The following BRWD1 variants were observed in gnomAD, a reference collection of about 807,000 sequenced individuals.
BRWD1 encodes the protein bromodomain and WD repeat-containing protein 1.
A neutral mutation model predicts 251.2 loss-of-function variants in BRWD1; 82 were observed. That is an observed-to-expected ratio of 0.33 (90% confidence interval 0.27 to 0.39). The LOEUF (loss-of-function observed/expected upper bound fraction) is 0.39, where lower values mean the gene tolerates loss of function less well. Among genes scored for constraint, BRWD1 ranks in the 10% least tolerant of loss-of-function variants. BRWD1 has a pLI of 1.00. For synonymous variants in BRWD1, 918 were observed against 902.8 expected (o/e 1.02, Z -0.30); for missense variants, 2,233 against 2,711.6 (o/e 0.82, Z 3.92).
chr21:39,269,845 A>G (rs1601425533), intron 15 of BRWD1, 54 bp downstream of exon 15: 1 of 1,376,646 alleles, frequency 7.3e-7, no homozygotes, highest in Non-Finnish European at 9.5e-7. Flanking sequence ...GCATAACCCA[A>G]ATACTCTAAA....
Position 39,195,218 on chromosome 21 carries a change from T to C in BRWD1, c.*1041A>G. ...GAAGCAGTAAACTAAAACAAAGAGA[T>C]GGAGAATGACATTTAGCTATTTTCC... On this transcript the variant is annotated 3_prime_UTR_variant, in exon 41 of 41. Coordinates refer to ENST00000342449, the MANE Select transcript of BRWD1 (RefSeq NM_033656.4). 3 of 1,039,744 alleles carry C rather than the reference T, an allele frequency of 2.9e-6. No individual in the cohort carries two copies. Among genetic ancestry groups the C allele is most frequent in the Non-Finnish European group, 3.5e-6 (3 of 864,232 alleles). 64.4% of individuals were successfully genotyped at this position (1,039,744 alleles called of 1,614,324 possible).
At position 39,218,179 on chromosome 21, in the gene BRWD1, C is replaced by T. The variant is rs1201433907; in HGVS notation, c.3632G>A (p.Arg1211Gln). Residue 1211 changes from arginine to glutamine, a missense_variant, in exon 31 of 41, where the codon CGA becomes CAA. Arg to Gln is a conservative substitution (Grantham distance 43). Coordinates refer to ENST00000342449, the MANE Select transcript of BRWD1 (RefSeq NM_033656.4). Reference sequence around the variant, plus strand: ...GTAAAATCGATTAACAAGTCTCATTCGAATTGTGTAAAGATCGGTTGGATA... The same window carrying T: ...GTAAAATCGATTAACAAGTCTCATTTGAATTGTGTAAAGATCGGTTGGATA... ...VAYPTDLYTI[R>Q]MRLVNRFYRR... 2 of 1,608,996 alleles carry T rather than the reference C, an allele frequency of 1.2e-6. No individual in the cohort carries two copies. The highest frequency in any genetic ancestry group is 1.1e-5 in the South Asian group (1 of 90,026).
At chr21:39,241,624 C>G (rs1378292092) in intron 21 of BRWD1, among the ~76,000 whole-genome samples, 3 of 148,660 alleles carry the variant, frequency 2.0e-5, no homozygotes, top group Non-Finnish European at 4.4e-5. Context: ...ATAACAATGA[C>G]AGATATACAG....
At chr21:39,281,249 A>G (rs531550322) in intron 8 of BRWD1, among the ~76,000 whole-genome samples, 3 of 152,214 alleles carry the variant, frequency 2.0e-5, no homozygotes, top group Non-Finnish European at 4.4e-5. Flanking sequence ...TTACAGCAAT[A>G]TACAGTATTG....
chr21:39,289,270 G>C (rs1204415225), intron 8 of BRWD1, among the ~76,000 whole-genome samples: 1 of 152,090 alleles, frequency 6.6e-6, no homozygotes, highest in East Asian at 1.9e-4. Flanking sequence ...ATTTCAAAAT[G>C]CATCTTCATC....
At chr21:39,266,781 A>G (rs1361865831) in intron 15 of BRWD1, among the ~76,000 whole-genome samples, 1 of 152,212 alleles carries the variant, frequency 6.6e-6, no homozygotes, top group East Asian at 1.9e-4. Context: ...TGACAACCCT[A>G]TTTAGTCTAT....
chr21:39,196,913 T>A lies in BRWD1; in HGVS notation c.6156A>T (p.Ser2052=). The A allele has an allele frequency of 6.2e-7, 1 of 1,613,934 alleles. No individual in the cohort carries two copies. Among genetic ancestry groups the A allele is most frequent in the Non-Finnish European group, 8.5e-7 (1 of 1,179,940 alleles). ...SKRKSSSVTS[S]GEDSKSHIPG... ...GAATATGACTTTTTGAATCTTCTCC[T>A]GAAGATGTAACAGAGGAACTTTTTC... is the stretch of plus-strand genomic sequence containing the variant. Residue 2052 remains serine, a synonymous_variant, in exon 41 of 41, where the codon TCA becomes TCT. Transcript: ENST00000342449.
At chr21:39,278,156 T>C (rs1401012791) in intron 10 of BRWD1, among the ~76,000 whole-genome samples, 1 of 152,096 alleles carries the variant, frequency 6.6e-6, no homozygotes, top group Admixed American at 6.5e-5. Flanking sequence ...GGCCTCCCCA[T>C]CTGTATTATT....
At chr21:39,270,583 G>A in intron 13 of BRWD1, 150 bp from the exon 14 acceptor site, 1 of 619,584 alleles carries the variant, frequency 1.6e-6, no homozygotes, top group South Asian at 2.8e-5. Context: ...ACCCAGAACA[G>A]ACTGTCTAGA....
At chr21:39,212,192 C>T (rs1256372531) in intron 34 of BRWD1, among the ~76,000 whole-genome samples, 3 of 152,130 alleles carry the variant, frequency 2.0e-5, no homozygotes, top group Non-Finnish European at 4.4e-5. Context: ...ACTCCTAATT[C>T]ATCTCCTTTA....
At chr21:39,203,325 A>G (rs1374248399) in intron 37 of BRWD1, among the ~76,000 whole-genome samples, 1 of 151,926 alleles carries the variant, frequency 6.6e-6, no homozygotes, top group Non-Finnish European at 1.5e-5. Flanking sequence ...AGTTGTGCAC[A>G]TCTATGATCG....
chr21:39,318,984 G>A (rs552121037), intron 1 of BRWD1, among the ~76,000 whole-genome samples: 3 of 152,068 alleles, frequency 2.0e-5, no homozygotes, highest in Non-Finnish European at 4.4e-5. Context: ...GCATTGCCTG[G>A]CCTTAAGTGA....
intron 3 of BRWD1, 81 bp from the exon 4 acceptor site, chr21:39,312,981 C>CGGGCGGCGGGCGGCGGGCGGG (rs2036557317): frequency 3.5e-6 from 2 of 569,780 alleles, no homozygotes; most frequent in African/African-American, 7.8e-5. Context: ...GGGCGGGCGG[C>CGGGCGGCGGGCGGCGGGCGGG]GGGCGGCGGG....
rs1165772598 is a variant in BRWD1, at chr21:39,238,458, C to G, written c.2576+21G>C. 3 of 1,584,476 alleles carry G rather than the reference C, an allele frequency of 1.9e-6. No homozygotes were observed. The Admixed American group carries it at 5.0e-5, about 27-fold the overall frequency. On this transcript the variant is annotated intron_variant, in intron 22 of 40. Transcript: ENST00000342449. ...ACTATGACTAAAATGCTTAAAAGAC[C>G]ACAACAATAAAAACAGATACCTTGA... is the stretch of plus-strand genomic sequence containing the variant.
chr21:39,243,939 C>T (rs755785432), intron 21 of BRWD1, among the ~76,000 whole-genome samples: 2 of 152,026 alleles, frequency 1.3e-5, no homozygotes, highest in Non-Finnish European at 1.5e-5. Flanking sequence ...TCTGAAATTA[C>T]ATCAAAATAA....
At chr21:39,213,389 A>G in intron 33 of BRWD1, 92 bp downstream of exon 33, 2 of 1,000,092 alleles carry the variant, frequency 2.0e-6, no homozygotes, top group Non-Finnish European at 3.1e-6. Flanking sequence ...GGACTACTAC[A>G]AGAGTTGGTA....
intron 17 of BRWD1, 131 bp from the exon 18 acceptor site, chr21:39,258,803 A>G (rs1046808823): frequency 1.7e-6 from 1 of 594,760 alleles, no homozygotes; most frequent in African/African-American, 1.9e-5. Flanking sequence ...CAGTTTAAAA[A>G]GATACTCTAC....
At chr21:39,286,327 C>T (rs1039901639) in intron 8 of BRWD1, among the ~76,000 whole-genome samples, 1 of 149,276 alleles carries the variant, frequency 6.7e-6, no homozygotes, top group Non-Finnish European at 1.5e-5. Flanking sequence ...CCATATGAAC[C>T]ATTTTAAAGT....
Position 39,187,173 on chromosome 21 carries a change from A to G in BRWD1, c.*9086T>C, listed in dbSNP as rs1227944328. ...GTAATTTTTTCTTAGCCGCAGCAGAAGCATTTCGATGGGGCAGTTTTCTGC... is the reference window on the plus strand; with the variant it reads ...GTAATTTTTTCTTAGCCGCAGCAGAGGCATTTCGATGGGGCAGTTTTCTGC... On this transcript the variant is annotated 3_prime_UTR_variant, in exon 41 of 41. Coordinates refer to ENST00000342449, the MANE Select transcript of BRWD1 (RefSeq NM_033656.4). 1.2e-6 allele frequency: 2 copies of G among 1,613,852 alleles called. No individual in the cohort carries two copies. The highest frequency in any genetic ancestry group is 1.7e-5 in the Admixed American group (1 of 59,958).
Sources: gnomAD v4.1 joint callset for allele counts (sites outside exome capture counted in the v4.1 genomes callset) on GRCh38, gnomAD v4.1.1 for gene constraint, MANE v1.5 for transcripts, NCBI Gene and HGNC (gene_info 2026-07-23, HGNC 2026-07-21) for gene names.